The following RSF1 variants were observed in gnomAD, a reference collection of about 807,000 sequenced individuals.
The protein encoded by RSF1 is HBV pX-associated protein 8.
Under a neutral mutation model 145.2 loss-of-function variants are expected in RSF1, and 13 were observed. The observed-to-expected ratio is 0.09, with a 90% CI of 0.06 to 0.14. RSF1 has a LOEUF of 0.14. RSF1 is among the 10% of genes least tolerant of loss of function. The probability of loss-of-function intolerance (pLI) is 1.00; values close to 1 mark genes in which losing one functional copy is unlikely to be tolerated. For synonymous variants in RSF1, 577 were observed against 592.6 expected (o/e 0.97, Z 0.38); for missense variants, 1,517 against 1,718.2 (o/e 0.88, Z 2.07).
rs1365605553 is a variant in RSF1, at chr11:77,676,970, T to C, written c.3163A>G (p.Ile1055Val). The C allele has an allele frequency of 3.1e-6, 5 of 1,613,998 alleles. No individual in the cohort carries two copies. The South Asian group carries it at 5.5e-5, about 18-fold the overall frequency. ...GVGRGKDISTITGHRGKDIST... is the reference protein window; with the variant it reads ...GVGRGKDISTVTGHRGKDIST... ...ATGTCTTTCCCACGATGACCTGTGA[T>C]GGTGGAGATATCTTTTCCTCGGCCA... The change falls in exon 13 of 16, where the codon ATC (isoleucine) becomes GTC (valine). Residue 1055 changes from isoleucine (I) to valine (V), a missense_variant. Around this residue, in one of 12 missense-constraint regions of RSF1, gnomAD observed 231 missense variants for 276.6 expected, o/e 0.84. Coordinates refer to ENST00000308488, the MANE Select transcript of RSF1 (RefSeq NM_016578.4).
At chr11:77,696,485 T>C (rs1268012882) in intron 7 of RSF1, among the ~76,000 whole-genome samples, 1 of 152,218 alleles carries the variant, frequency 6.6e-6, no homozygotes. Context: ...CTTAAGCACT[T>C]GGCATAAGAA....
chr11:77,798,361 G>T (rs1207808332), intron 1 of RSF1, among the ~76,000 whole-genome samples: 1 of 151,834 alleles, frequency 6.6e-6, no homozygotes, highest in Non-Finnish European at 1.5e-5. Context: ...AAGGTGGGTG[G>T]ATCAACTGAC....
intron 1 of RSF1, among the ~76,000 whole-genome samples, chr11:77,805,035 T>C (rs536718370): frequency 1.3e-5 from 2 of 152,336 alleles, no homozygotes; most frequent in South Asian, 4.1e-4. Flanking sequence ...TAGAGTGGTA[T>C]TTCAAGTTAT....
At chr11:77,671,208 T>TATACAC (rs201762575) in intron 15 of RSF1, among the ~76,000 whole-genome samples, 2 of 116,666 alleles carry the variant, frequency 1.7e-5, no homozygotes, top group Non-Finnish European at 3.3e-5. Flanking sequence ...TATATATATA[T>TATACAC]ACACTATATA....
In RSF1 at chr11:77,667,094, C is replaced by G. The variant is rs776494197; in HGVS notation, c.4149G>C (p.Leu1383Phe). Residue 1383 changes from leucine to phenylalanine, a missense_variant, in exon 16 of 16, where the codon TTG (leucine) becomes TTC (phenylalanine). Coordinates refer to ENST00000308488, the MANE Select transcript of RSF1 (RefSeq NM_016578.4). ...GQSPGKAIEN[L>F]IGKPTEKSQT... Reference sequence around the variant, plus strand: ...GAGACTTCTCAGTAGGCTTGCCAATCAAGTTCTCAATGGCTTTGCCAGGGC... The same window carrying G: ...GAGACTTCTCAGTAGGCTTGCCAATGAAGTTCTCAATGGCTTTGCCAGGGC... 4 of 1,614,202 alleles carry G rather than the reference C, an allele frequency of 2.5e-6. No individual in the cohort carries two copies. The highest frequency in any genetic ancestry group is 3.4e-6 in the Non-Finnish European group (4 of 1,180,038).
At chr11:77,857,196 T>C in the RSF1 span, among the ~76,000 whole-genome samples, 9 of 152,174 alleles carry the variant, frequency 5.9e-5, no homozygotes, top group Non-Finnish European at 1.3e-4. Context: ...AGTGCCACGG[T>C]AGATGAACCA....
chr11:77,797,002 A>G (rs1948578733), intron 1 of RSF1, among the ~76,000 whole-genome samples: 1 of 152,250 alleles, frequency 6.6e-6, no homozygotes, highest in Non-Finnish European at 1.5e-5. Flanking sequence ...GCTCAAGGCA[A>G]TAAGAGAGGA....
chr11:77,760,563 G>A (rs1354460764), intron 2 of RSF1, among the ~76,000 whole-genome samples: 1 of 152,076 alleles, frequency 6.6e-6, no homozygotes, highest in African/African-American at 2.4e-5. Flanking sequence ...TATCTTATGT[G>A]AATTATATCT....
intron 3 of RSF1, among the ~76,000 whole-genome samples, chr11:77,745,329 G>A (rs771391530): frequency 2.0e-5 from 3 of 151,674 alleles, no homozygotes; most frequent in Admixed American, 6.6e-5. Context: ...GGTTTAGTTC[G>A]TTCTTCTAGT....
At chr11:77,838,041 C>G in the RSF1 span, among the ~76,000 whole-genome samples, 2 of 152,268 alleles carry the variant, frequency 1.3e-5, no homozygotes, top group South Asian at 4.1e-4. Flanking sequence ...CTACTGCACT[C>G]CAGACTGGAT....
intron 1 of RSF1, among the ~76,000 whole-genome samples, chr11:77,789,860 T>A (rs1038501417): frequency 7.9e-5 from 12 of 152,324 alleles, no homozygotes; most frequent in African/African-American, 2.4e-4. Flanking sequence ...ACTGTTGGTA[T>A]GTGAGCACAC....
chr11:77,860,354 A>G, the RSF1 span, among the ~76,000 whole-genome samples: 10 of 152,214 alleles, frequency 6.6e-5, no homozygotes, highest in East Asian at 1.9e-3. Context: ...GAATCCTCTT[A>G]GTTGCTTTAG....
the RSF1 span, among the ~76,000 whole-genome samples, chr11:77,836,467 C>T: frequency 6.6e-6 from 1 of 152,136 alleles, no homozygotes; most frequent in East Asian, 1.9e-4. Context: ...AAGGCCTCGC[C>T]ATAAACCAAC....
At chr11:77,744,157 T>C (rs1487021449) in intron 3 of RSF1, among the ~76,000 whole-genome samples, 1 of 151,674 alleles carries the variant, frequency 6.6e-6, no homozygotes, top group African/African-American at 2.4e-5. Context: ...GCCTCCCTAG[T>C]AGTTGGAATT....
chr11:77,732,591 C>T (rs781251906), intron 4 of RSF1, among the ~76,000 whole-genome samples: 10 of 152,084 alleles, frequency 6.6e-5, no homozygotes, highest in Non-Finnish European at 1.0e-4. Flanking sequence ...CGGTGGAAGG[C>T]GATTGAATTA....
At chr11:77,821,026 G>C, upstream of RSF1, 1 of 479,526 alleles carries the variant, frequency 2.1e-6, no homozygotes, top group Admixed American at 3.8e-5. Flanking sequence ...AAGGGAAGCG[G>C]GGCGGGGAGG....
At chr11:77,844,693 G>T in the RSF1 span, among the ~76,000 whole-genome samples, 1 of 152,072 alleles carries the variant, frequency 6.6e-6, no homozygotes, top group African/African-American at 2.4e-5. Flanking sequence ...TATTCATTGG[G>T]TATTTGCTCT....
the RSF1 span, among the ~76,000 whole-genome samples, chr11:77,848,396 T>C: frequency 2.0e-5 from 3 of 152,174 alleles, no homozygotes; most frequent in South Asian, 6.2e-4. Flanking sequence ...TCTTGCTCTG[T>C]CACCCAGGCT....
At chr11:77,693,408 T>C in intron 8 of RSF1, 99 bp downstream of exon 8, 1 of 708,616 alleles carries the variant, frequency 1.4e-6, no homozygotes, top group Non-Finnish European at 2.5e-6. Context: ...TATTTACACA[T>C]TGCTTTGAAG....
Sources: gnomAD v4.1 joint callset for allele counts (sites outside exome capture counted in the v4.1 genomes callset) on GRCh38, gnomAD v4.1.1 for gene constraint, gnomAD v4.1.1 regional missense constraint, MANE v1.5 for transcripts, NCBI Gene and HGNC (gene_info 2026-07-23, HGNC 2026-07-21) for gene names.